Variants in EHBP1 observed in about 807,000 individuals in gnomAD.
The protein encoded by EHBP1 is EH domain binding protein 1, also known as EH domain-binding protein 1.
In EHBP1, 55 loss-of-function variants were observed where a neutral mutation model predicts 144.0. That is an observed-to-expected ratio of 0.38 (90% CI 0.31 to 0.48). The LOEUF (loss-of-function observed/expected upper bound fraction) is 0.48. Among genes scored for constraint, EHBP1 ranks in the 20% least tolerant of loss-of-function variants. The pLI is 0.98. For missense variants in EHBP1, 1,200 were observed against 1,364.2 expected (o/e 0.88, Z 1.90); for synonymous variants, 469 against 472.7 (o/e 0.99, Z 0.10).
At chr2:62,974,049 G>T (rs2058609027) in intron 14 of EHBP1, among the ~76,000 whole-genome samples, 1 of 152,096 alleles carries the variant, frequency 6.6e-6, no homozygotes, top group Admixed American at 6.5e-5. Context: ...TAGTAAACAG[G>T]ATTTTTTTAT....
intron 7 of EHBP1, among the ~76,000 whole-genome samples, chr2:62,852,636 ATAT>A (rs753454897): frequency 8.9e-4 from 136 of 152,206 alleles, no homozygotes; most frequent in Non-Finnish European, 1.6e-3. Context: ...AAAGTTATTA[ATAT>A]TTTTAAAGTT....
chr2:62,881,063 A>G (rs2051368147), intron 10 of EHBP1, among the ~76,000 whole-genome samples: 1 of 152,178 alleles, frequency 6.6e-6, no homozygotes, highest in Non-Finnish European at 1.5e-5. Context: ...ACGCAGCCAT[A>G]AAAAAGAACA....
At chr2:62,884,983 G>C (rs1488799410) in intron 10 of EHBP1, among the ~76,000 whole-genome samples, 1 of 152,098 alleles carries the variant, frequency 6.6e-6, no homozygotes, top group Non-Finnish European at 1.5e-5. Flanking sequence ...TTTATTATTT[G>C]TAAATTGAAA....
At chr2:62,782,428 C>T (rs1197841028) in intron 5 of EHBP1, among the ~76,000 whole-genome samples, 3 of 151,970 alleles carry the variant, frequency 2.0e-5, no homozygotes, top group Non-Finnish European at 2.9e-5. Flanking sequence ...GTTTTTTTCT[C>T]GGATAAAACT....
intron 10 of EHBP1, among the ~76,000 whole-genome samples, chr2:62,926,728 A>G (rs2055544791): frequency 6.6e-6 from 1 of 152,102 alleles, no homozygotes; most frequent in South Asian, 2.1e-4. Flanking sequence ...GGAAACTCTT[A>G]GATACTGTTG....
intron 2 of EHBP1, among the ~76,000 whole-genome samples, chr2:62,727,516 C>T (rs2036946968): frequency 6.6e-6 from 1 of 152,132 alleles, no homozygotes; most frequent in Non-Finnish European, 1.5e-5. Context: ...AACCACTAAT[C>T]TAATTTCTGT....
At position 62,839,528 on chromosome 2, in the gene EHBP1, A is replaced by G. The variant is rs1197858581; in HGVS notation, c.634+8370A>G. Among the ~76,000 whole-genome samples the G allele has an allele frequency of 2.7e-5, 4 of 149,484 alleles. No homozygotes were observed. The East Asian group carries it at 5.8e-4, about 22-fold the overall frequency. On this transcript the variant is annotated intron_variant, in intron 7 of 22. Transcript: ENST00000431489. ...AGGAGAAGGAAATAAAGGGTATTCAATTAGGAAAAGAGGAAGTCAAATTGT... is the reference window on the plus strand; with the variant it reads ...AGGAGAAGGAAATAAAGGGTATTCAGTTAGGAAAAGAGGAAGTCAAATTGT...
At position 62,947,391 on chromosome 2, in the gene EHBP1, GA is replaced by G. The variant is rs756013321; in HGVS notation, c.1414-864del. On this transcript the variant is annotated intron_variant, in intron 12 of 22. Coordinates refer to ENST00000431489, the MANE Select transcript of EHBP1 (RefSeq NM_001142616.3). Reference sequence around the variant, plus strand: ...CATAATTTCCTAACATGTCTTTTAAGAAAAACTTTGAATTATAATCCTTAAT... The same window carrying G: ...CATAATTTCCTAACATGTCTTTTAAGAAAACTTTGAATTATAATCCTTAAT... Among the ~76,000 whole-genome samples the G allele has an allele frequency of 2.4e-4, 37 of 152,250 alleles. No homozygotes were observed. The East Asian group carries it at 3.3e-3, about 13-fold the overall frequency.
chr2:62,729,422 AT>A (rs1221849509), intron 2 of EHBP1, among the ~76,000 whole-genome samples: 4 of 99,678 alleles, frequency 4.0e-5, no homozygotes, highest in African/African-American at 8.0e-5. Context: ...TAATAATAAT[AT>A]AATATAATAA....
Position 62,759,586 on chromosome 2 carries a change from G to A in EHBP1, c.163-4680G>A, listed in dbSNP as rs112764443. Reference sequence around the variant, plus strand: ...ATGCCGGCTAATTTTTGTATTTTCAGTAGAGACAGGGTTTCACCATGTTCA... The same window carrying A: ...ATGCCGGCTAATTTTTGTATTTTCAATAGAGACAGGGTTTCACCATGTTCA... On this transcript the variant is annotated intron_variant, in intron 3 of 22. Coordinates refer to ENST00000431489, the MANE Select transcript of EHBP1 (RefSeq NM_001142616.3). 4.2e-3 allele frequency among the ~76,000 whole-genome samples: 635 copies of A among 152,112 alleles called. 8 individuals are homozygous for A. Among genetic ancestry groups the A allele is most frequent in the African/African-American group, 0.014 (581 of 41,498 alleles).
chr2:63,030,526 C>T (rs1351293379), intron 19 of EHBP1, among the ~76,000 whole-genome samples: 1 of 151,890 alleles, frequency 6.6e-6, no homozygotes, highest in African/African-American at 2.4e-5. Flanking sequence ...CTCGCTCTAT[C>T]GCCCAGGCTG....
At chr2:63,030,857 G>T (rs2153343483) in intron 19 of EHBP1, among the ~76,000 whole-genome samples, 1 of 141,662 alleles carries the variant, frequency 7.1e-6, no homozygotes, top group African/African-American at 2.6e-5. Flanking sequence ...GTGCAGTGGT[G>T]TGGTCTCAGC....
intron 7 of EHBP1, among the ~76,000 whole-genome samples, chr2:62,837,515 A>G (rs1387328660): frequency 7.2e-5 from 11 of 152,296 alleles, no homozygotes; most frequent in Non-Finnish European, 1.2e-4. Context: ...TACATGGACT[A>G]AATGCTCCAA....
intron 4 of EHBP1, among the ~76,000 whole-genome samples, chr2:62,769,740 AC>A (rs2041486769): frequency 6.6e-6 from 1 of 150,764 alleles, no homozygotes; most frequent in African/African-American, 2.4e-5. Context: ...GCATCATGCT[AC>A]CTGACTCCAA....
chr2:62,990,817 G>C lies in EHBP1; in HGVS notation c.2710G>C (p.Glu904Gln). The C allele has an allele frequency of 6.2e-7, 1 of 1,613,758 alleles. No homozygotes were observed. Among genetic ancestry groups the C allele is most frequent in the Non-Finnish European group, 8.5e-7 (1 of 1,179,774 alleles). ...CAGTGCTGCCCAGAAAGCTGTAACTGAGAGCTCAGAGCAGGACATGAAAGT... is the reference window on the plus strand; with the variant it reads ...CAGTGCTGCCCAGAAAGCTGTAACTCAGAGCTCAGAGCAGGACATGAAAGT... Reference protein sequence around the residue: ...PSSAAQKAVTESSEQDMKSGT... With the variant: ...PSSAAQKAVTQSSEQDMKSGT... The change falls in exon 16 of 23, where the codon GAG becomes CAG. Residue 904 changes from glutamate (E) to glutamine (Q), a missense_variant. Around this residue, in one of 6 missense-constraint regions of EHBP1, gnomAD observed 543 missense variants for 513.1 expected, o/e 1.06. Transcript: ENST00000431489.
At chr2:62,712,883 A>C (rs569641225) in intron 2 of EHBP1, among the ~76,000 whole-genome samples, 2 of 152,220 alleles carry the variant, frequency 1.3e-5, no homozygotes, top group Non-Finnish European at 2.9e-5. Flanking sequence ...ATCTGTTTAC[A>C]AAAATGAGCA....
intron 7 of EHBP1, among the ~76,000 whole-genome samples, chr2:62,842,232 G>A (rs149910619): frequency 2.6e-5 from 4 of 152,050 alleles, no homozygotes; most frequent in African/African-American, 7.2e-5. Context: ...GATCACAGGC[G>A]TGTGCCACCA....
chr2:62,678,520 G>A (rs925876188), intron 1 of EHBP1, among the ~76,000 whole-genome samples: 3 of 151,830 alleles, frequency 2.0e-5, no homozygotes, highest in African/African-American at 7.3e-5. Flanking sequence ...TATAACCTAG[G>A]GCCAGCATTA....
chr2:62,987,945 A>G (rs1192207540), intron 15 of EHBP1: 1 of 1,579,046 alleles, frequency 6.3e-7, no homozygotes, highest in South Asian at 1.2e-5. Context: ...AAATGATAAT[A>G]TTGAGATAGA....
Sources: allele counts gnomAD v4.1 joint callset (sites outside exome capture counted in the v4.1 genomes callset), GRCh38; gene constraint gnomAD v4.1.1; regional missense constraint gnomAD v4.1.1; transcripts MANE v1.5; gene names NCBI Gene and HGNC (gene_info 2026-07-23, HGNC 2026-07-21).